Variants in DCAF12 observed in about 807,000 individuals in gnomAD.
DCAF12 encodes DDB1- and CUL4-associated factor 12.
In DCAF12, 28 loss-of-function variants were observed where a neutral mutation model predicts 52.8. The observed-to-expected ratio is 0.53, with a 90% CI of 0.39 to 0.73. The LOEUF is 0.73. Among genes scored for constraint, DCAF12 ranks in the 30% least tolerant of loss-of-function variants. DCAF12 has a pLI of 0.00. For synonymous variants in DCAF12, 196 were observed against 215.5 expected (o/e 0.91, Z 0.79); for missense variants, 425 against 552.2 (o/e 0.77, Z 2.31).
chr9:34,113,398 C>T (rs944789481), intron 2 of DCAF12, among the ~76,000 whole-genome samples: 2 of 151,802 alleles, frequency 1.3e-5, no homozygotes, highest in African/African-American at 4.8e-5. Context: ...GCTCTGTCAC[C>T]CAAGCTGGAA....
intron 7 of DCAF12, among the ~76,000 whole-genome samples, chr9:34,091,745 T>A (rs1828648396): frequency 6.7e-6 from 1 of 150,030 alleles, no homozygotes; most frequent in South Asian, 2.1e-4. Context: ...TGAACTGCAA[T>A]CCACAGTGTG....
chr9:34,111,355 A>G (rs1050861797), intron 2 of DCAF12, among the ~76,000 whole-genome samples: 6 of 151,500 alleles, frequency 4.0e-5, no homozygotes, highest in African/African-American at 1.5e-4. Context: ...CTCTTGGACT[A>G]CTCTCTAAAT....
chr9:34,096,595 C>G, intron 6 of DCAF12, 121 bp downstream of exon 6: 1 of 940,522 alleles, frequency 1.1e-6, no homozygotes, highest in Non-Finnish European at 1.6e-6. Context: ...CAGAGCGAGA[C>G]TCTGCCTCAA....
At position 34,106,019 on chromosome 9, in the gene DCAF12, A is replaced by G. The variant is rs1232471734; in HGVS notation, c.601+415T>C. ...CACCTCGGCCTCCCAAAGTGCTGGG[A>G]TTACAGGTGTGAGCCACCACACCCG... On this transcript the variant is annotated intron_variant, in intron 4 of 8. Transcript: ENST00000361264. 3.9e-5 allele frequency among the ~76,000 whole-genome samples: 6 copies of G among 152,086 alleles called. No individual in the cohort carries two copies. The East Asian group carries it at 1.2e-3, about 29-fold the overall frequency.
rs1828567452 is a variant in DCAF12, at chr9:34,087,037, G to C, written c.*1313C>G. On this transcript the variant is annotated 3_prime_UTR_variant, in exon 9 of 9. Transcript: ENST00000361264. ...GGACATCACAGTCAGCTGCCTGCAA[G>C]TTTAAAAACCTCAGACTAAACAGAC... 1 of 152,186 alleles carries C rather than the reference G, an allele frequency of 6.6e-6. No homozygotes were observed. Among genetic ancestry groups the C allele is most frequent in the African/African-American group, 2.4e-5 (1 of 41,446 alleles). The allele number at this position is 152,186 out of a possible 1,614,324, so 9.4% of individuals were successfully genotyped here. A position where few individuals can be genotyped will look rare whatever the true frequency, so the allele number is the denominator to read the frequency against.
At chr9:34,093,769 G>A (rs1828688211) in intron 6 of DCAF12, 1 of 281,736 alleles carries the variant, frequency 3.5e-6, no homozygotes, top group South Asian at 4.1e-5. Flanking sequence ...TCTGGGAATC[G>A]TTCCAGGGCA....
intron 2 of DCAF12, among the ~76,000 whole-genome samples, chr9:34,119,568 G>A (rs1829140099): frequency 6.6e-6 from 1 of 152,088 alleles, no homozygotes; most frequent in Non-Finnish European, 1.5e-5. Context: ...TTAGTATTTA[G>A]ATTAAGTAGC....
At chr9:34,126,226 T>C in intron 1 of DCAF12, 128 bp downstream of exon 1, 2 of 1,214,268 alleles carry the variant, frequency 1.6e-6, no homozygotes, top group African/African-American at 1.5e-5. Flanking sequence ...CTATAGGCCC[T>C]GAACCCATTC....
chr9:34,099,624 C>T (rs1828795266), intron 4 of DCAF12, among the ~76,000 whole-genome samples: 1 of 148,546 alleles, frequency 6.7e-6, no homozygotes, highest in Non-Finnish European at 1.5e-5. Flanking sequence ...GATGAAGTCT[C>T]TCTGTGTTAC....
chr9:34,103,774 C>T (rs535695555), intron 4 of DCAF12, among the ~76,000 whole-genome samples: 3 of 151,632 alleles, frequency 2.0e-5, no homozygotes, highest in Admixed American at 6.6e-5. Context: ...CCTGGGAGTT[C>T]GAGGTTGCAG....
At position 34,107,429 on chromosome 9, in the gene DCAF12, G is replaced by C. The variant is rs973022177; in HGVS notation, c.470C>G (p.Thr157Ser). Residue 157 changes from threonine (T) to serine (S), a missense_variant, in exon 3 of 9, where the codon ACT becomes AGT. This residue lies in a region of DCAF12 where 328 missense variants were observed against 444.4 expected (regional missense o/e 0.74). Coordinates refer to ENST00000361264, the MANE Select transcript of DCAF12 (RefSeq NM_015397.4). Reference sequence around the variant, plus strand: ...AAGACTGTTGGGGTTGTCTCCTCCAGTGGCTAGCAGTGTTCTAGAAGGATT... The same window carrying C: ...AAGACTGTTGGGGTTGTCTCCTCCACTGGCTAGCAGTGTTCTAGAAGGATT... ...ELNPSRTLLA[T>S]GGDNPNSLAI... 6.2e-7 allele frequency: 1 copy of C among 1,614,194 alleles called. No individual in the cohort carries two copies.
intron 4 of DCAF12, among the ~76,000 whole-genome samples, chr9:34,099,072 CTT>C (rs574114455): frequency 1.0e-4 from 12 of 116,346 alleles, no homozygotes; most frequent in Non-Finnish European, 3.5e-5. Flanking sequence ...ACCTGGTCTG[CTT>C]TTTTTTTTTT....
At chr9:34,100,518 A>G (rs1288465956) in intron 4 of DCAF12, among the ~76,000 whole-genome samples, 2 of 136,012 alleles carry the variant, frequency 1.5e-5, no homozygotes, top group Non-Finnish European at 3.1e-5. Context: ...TTTTTAATAC[A>G]AGGCCTCACT....
chr9:34,123,516 G>A (rs1829205329), intron 2 of DCAF12, among the ~76,000 whole-genome samples: 1 of 152,086 alleles, frequency 6.6e-6, no homozygotes, highest in Non-Finnish European at 1.5e-5. Context: ...CCCTGCTTTG[G>A]TTCTGGAAGC....
At chr9:34,103,997 A>G (rs925659200) in intron 4 of DCAF12, among the ~76,000 whole-genome samples, 20 of 152,212 alleles carry the variant, frequency 1.3e-4, no homozygotes, top group African/African-American at 4.1e-4. Flanking sequence ...GGCCAGGCGC[A>G]GTGGCTCACG....
At chr9:34,112,541 CCGAGATCA>C (rs1436249067) in intron 2 of DCAF12, among the ~76,000 whole-genome samples, 1 of 151,558 alleles carries the variant, frequency 6.6e-6, no homozygotes, top group Non-Finnish European at 1.5e-5. Flanking sequence ...TTGCAATGAG[CCGAGATCA>C]CACCACTGCA....
At chr9:34,102,465 G>A (rs1039367901) in intron 4 of DCAF12, among the ~76,000 whole-genome samples, 2 of 151,386 alleles carry the variant, frequency 1.3e-5, no homozygotes, top group Admixed American at 6.6e-5. Flanking sequence ...GTTTGAGACC[G>A]ACCTGACCAA....
At chr9:34,107,062 T>C (rs1828914732) in intron 3 of DCAF12, among the ~76,000 whole-genome samples, 1 of 152,194 alleles carries the variant, frequency 6.6e-6, no homozygotes, top group Non-Finnish European at 1.5e-5. Flanking sequence ...CTGCTATGTC[T>C]CAAACAACGC....
Position 34,126,660 on chromosome 9 carries a change from C to T in DCAF12, c.-229G>A. On this transcript the variant is annotated 5_prime_UTR_variant, in exon 1 of 9. Coordinates refer to ENST00000361264, the MANE Select transcript of DCAF12 (RefSeq NM_015397.4). ...AGGGGAAGCGAGAATGAGCGGCTTT[C>T]CGACGGCAGAGCCTGCAAGGACGGC... The T allele has an allele frequency of 3.5e-6, 2 of 579,148 alleles. No homozygotes were observed. The highest frequency in any genetic ancestry group is 2.2e-5 in the South Asian group (1 of 44,772). 35.9% of individuals were successfully genotyped at this position (579,148 alleles called of 1,614,324 possible).
Sources: allele counts gnomAD v4.1 joint callset (sites outside exome capture counted in the v4.1 genomes callset), GRCh38; gene constraint gnomAD v4.1.1; regional missense constraint gnomAD v4.1.1; transcripts MANE v1.5; gene names NCBI Gene and HGNC (gene_info 2026-07-23, HGNC 2026-07-21).